The following NHSL3 variants were observed in gnomAD, a reference collection of about 807,000 sequenced individuals.
NHSL3 encodes NHS like 3, also known as NHS-like protein 3.
At chr1:32,758,324 A>T in the NHSL3 span, among the ~76,000 whole-genome samples, 1 of 151,848 alleles carries the variant, frequency 6.6e-6, no homozygotes, top group Non-Finnish European at 1.5e-5. Context: ...TTCTGGTTGG[A>T]TTTATTGTTC....
chr1:32,751,754 C>T, the NHSL3 span, among the ~76,000 whole-genome samples: 3 of 151,988 alleles, frequency 2.0e-5, no homozygotes, highest in East Asian at 1.9e-4. Context: ...CAGGTGTGAA[C>T]GCCTGGAGTT....
At chr1:32,754,934 C>T in the NHSL3 span, among the ~76,000 whole-genome samples, 5 of 152,180 alleles carry the variant, frequency 3.3e-5, no homozygotes, top group East Asian at 1.9e-4. Context: ...CCCCCCCTCC[C>T]CCGTCCCCAC....
At chr1:32,770,437 C>A in the NHSL3 span, 1 of 1,607,956 alleles carries the variant, frequency 6.2e-7, no homozygotes. The surrounding 1 kb of genome is among the most constrained non-coding windows in gnomAD (Gnocchi z 8.3). Context: ...GAGCCACTCT[C>A]AATCCTCCGA....
At chr1:32,766,028 T>TG in the NHSL3 span, among the ~76,000 whole-genome samples, 1 of 152,090 alleles carries the variant, frequency 6.6e-6, no homozygotes, top group East Asian at 1.9e-4. Context: ...GCTTGTGGGT[T>TG]GGGAGGATGG....
chr1:32,762,432 CTT>C, the NHSL3 span, among the ~76,000 whole-genome samples: 11 of 142,728 alleles, frequency 7.7e-5, no homozygotes, highest in South Asian at 1.1e-3. Context: ...TCAGGGGAAT[CTT>C]TTTTTTTTTT....
At chr1:32,766,335 A>C in the NHSL3 span, among the ~76,000 whole-genome samples, 1 of 152,098 alleles carries the variant, frequency 6.6e-6, no homozygotes, top group Non-Finnish European at 1.5e-5. Flanking sequence ...GGATTAAGAC[A>C]TAGGGACAAG....
chr1:32,772,791 G>A, the NHSL3 span: 3 of 1,414,894 alleles, frequency 2.1e-6, no homozygotes, highest in Admixed American at 3.4e-5. Flanking sequence ...GTGAGGGTAT[G>A]CTTTGTTGGG....
At chr1:32,754,714 GAC>G in the NHSL3 span, among the ~76,000 whole-genome samples, 3 of 152,166 alleles carry the variant, frequency 2.0e-5, no homozygotes, top group Non-Finnish European at 2.9e-5. Flanking sequence ...AAGGCACTCG[GAC>G]ACACACGCTT....
the NHSL3 span, chr1:32,770,813 CG>C: frequency 1.3e-6 from 2 of 1,598,644 alleles, no homozygotes; most frequent in Non-Finnish European, 1.7e-6. The surrounding 1 kb of genome is among the most constrained non-coding windows in gnomAD (Gnocchi z 8.3). Flanking sequence ...TCAGAAGGGG[CG>C]GGGGCAGCAC....
At chr1:32,772,246 C>T in the NHSL3 span, 5 of 1,603,936 alleles carry the variant, frequency 3.1e-6, no homozygotes, top group Non-Finnish European at 4.3e-6. Flanking sequence ...TAAGGCTCCC[C>T]CACCTGTGGC....
chr1:32,768,139 G>C, the NHSL3 span: 4 of 1,492,660 alleles, frequency 2.7e-6, no homozygotes, highest in Non-Finnish European at 3.7e-6. Context: ...CTCCAGCTCA[G>C]TCCTGACTCT....
At chr1:32,769,915 C>T in the NHSL3 span, 15 of 1,607,912 alleles carry the variant, frequency 9.3e-6, no homozygotes, top group Non-Finnish European at 1.2e-5. Flanking sequence ...AGGCACGCCC[C>T]GGGCTCCTGG....
chr1:32,752,883 T>A, the NHSL3 span, among the ~76,000 whole-genome samples: 2 of 142,604 alleles, frequency 1.4e-5, no homozygotes, highest in Non-Finnish European at 3.0e-5. Flanking sequence ...CTGGCGTTTT[T>A]AAAGAAAAAA....
At chr1:32,768,033 A>G in the NHSL3 span, 1 of 1,613,482 alleles carries the variant, frequency 6.2e-7, no homozygotes, top group Non-Finnish European at 8.5e-7. Context: ...CAGGGGCCTA[A>G]CCCAACAGAC....
At chr1:32,763,441 C>G in the NHSL3 span, among the ~76,000 whole-genome samples, 3 of 152,206 alleles carry the variant, frequency 2.0e-5, no homozygotes, top group Non-Finnish European at 4.4e-5. Context: ...TCCTTGAAAT[C>G]CACCACTCCT....
At chr1:32,768,438 A>G in the NHSL3 span, among the ~76,000 whole-genome samples, 1 of 152,158 alleles carries the variant, frequency 6.6e-6, no homozygotes. Flanking sequence ...TACTAGAAAT[A>G]CAAAAATTAG....
At chr1:32,757,678 A>G in the NHSL3 span, among the ~76,000 whole-genome samples, 1 of 152,168 alleles carries the variant, frequency 6.6e-6, no homozygotes, top group South Asian at 2.1e-4. Context: ...CAACAGTCCC[A>G]CAAGCCACAG....
the NHSL3 span, among the ~76,000 whole-genome samples, chr1:32,745,947 C>T: frequency 6.6e-5 from 10 of 152,036 alleles, no homozygotes; most frequent in East Asian, 1.6e-3. Context: ...GTTAAAAAAA[C>T]AGGCCAGGCA....
chr1:32,772,132 C>T, the NHSL3 span: 20 of 1,613,114 alleles, frequency 1.2e-5, no homozygotes, highest in Middle Eastern at 6.6e-4. Flanking sequence ...GCAGCTGGAG[C>T]GGCCCGTGTC....
Sources: allele counts gnomAD v4.1 joint callset (sites outside exome capture counted in the v4.1 genomes callset), GRCh38; gene constraint gnomAD v4.1.1; non-coding constraint Gnocchi (gnomAD v3.1); transcripts MANE v1.5; gene names NCBI Gene and HGNC (gene_info 2026-07-23, HGNC 2026-07-21).